PHAX: variants seen among roughly 807,000 people sequenced by gnomAD.
PHAX encodes phosphorylated adaptor for RNA export.
Under a neutral mutation model 41.6 loss-of-function variants are expected in PHAX, and 31 were observed. That is an observed-to-expected ratio of 0.75 (90% CI 0.56 to 1.01). PHAX has a LOEUF of 1.01. Ranked by LOEUF, PHAX falls within the 50% of genes least tolerant of loss-of-function variation. The pLI, the probability that PHAX is intolerant of heterozygous loss-of-function variation, is 0.00. For missense variants in PHAX, 453 were observed against 472.9 expected (o/e 0.96, Z 0.39); for synonymous variants, 175 against 164.9 (o/e 1.06, Z -0.47).
intron 2 of PHAX, among the ~76,000 whole-genome samples, chr5:126,605,590 G>T (rs1406579581): frequency 2.6e-5 from 4 of 151,954 alleles, no homozygotes; most frequent in African/African-American, 4.8e-5. Flanking sequence ...TAGAGATAGG[G>T]TTTCATTATG....
intron 3 of PHAX, among the ~76,000 whole-genome samples, chr5:126,609,899 A>G (rs1185542782): frequency 3.3e-5 from 5 of 151,948 alleles, no homozygotes; most frequent in Admixed American, 2.0e-4. Context: ...CACCACGCCC[A>G]GCTAGTTTTT....
At chr5:126,601,201 C>A (rs1388913707) in intron 1 of PHAX, 143 bp downstream of exon 1, 6 of 608,968 alleles carry the variant, frequency 9.9e-6, no homozygotes, top group Non-Finnish European at 1.7e-5. Context: ...GGTCAGTGGC[C>A]GCAGAAGGGG....
At chr5:126,603,489 T>C in intron 1 of PHAX, 81 bp from the exon 2 acceptor site, 1 of 1,454,822 alleles carries the variant, frequency 6.9e-7, no homozygotes, top group East Asian at 2.3e-5. Flanking sequence ...AATGGCAAAG[T>C]TGAATCTCTA....
chr5:126,602,194 G>T (rs1002173905), intron 1 of PHAX, among the ~76,000 whole-genome samples: 6 of 152,178 alleles, frequency 3.9e-5, no homozygotes, highest in Non-Finnish European at 8.8e-5. Flanking sequence ...TGATCCACCC[G>T]CCTCGGCCTC....
rs1751888120 is a variant in PHAX at position 126,600,993 on chromosome 5, G to C, written c.31G>C (p.Gly11Arg). The part of the protein sequence containing the change: MALEVGDMED[G>R]QLSDSDSDMT... ...GTTGGAGGTCGGCGATATGGAAGAT[G>C]GGCAGCTTTCCGACTCGGATTCCGA... Residue 11 changes from glycine to arginine, a missense_variant, in exon 1 of 5, where the codon GGG becomes CGG. Coordinates refer to ENST00000297540, the MANE Select transcript of PHAX (RefSeq NM_032177.4). The C allele has an allele frequency of 2.5e-6, 4 of 1,604,418 alleles. No homozygotes were observed. The highest frequency in any genetic ancestry group is 1.1e-5 in the South Asian group (1 of 90,688).
chr5:126,609,442 A>G (rs904033997), intron 3 of PHAX, among the ~76,000 whole-genome samples: 6 of 152,038 alleles, frequency 3.9e-5, no homozygotes, highest in African/African-American at 1.4e-4. Flanking sequence ...AGGGGAGCCT[A>G]GGAGCTCAGA....
rs1752253002 is a variant in PHAX, at chr5:126,620,527, C to G, written c.915+3194C>G. Among the ~76,000 whole-genome samples, 4 of 152,102 alleles carry G rather than the reference C, an allele frequency of 2.6e-5. No homozygotes were observed. In the South Asian group the frequency reaches 8.3e-4, roughly 32 times the overall value. Reference sequence around the variant, plus strand: ...ATAATCAAAATTATATGCCTGAGATCACACAGACCACTCTGACTCCAAAAC... The same window carrying G: ...ATAATCAAAATTATATGCCTGAGATGACACAGACCACTCTGACTCCAAAAC... On this transcript the variant is annotated intron_variant, in intron 4 of 4. Transcript: ENST00000297540.
Position 126,608,861 on chromosome 5 carries a change from G to T in PHAX, c.831+377G>T, listed in dbSNP as rs565078628. 9.9e-5 allele frequency among the ~76,000 whole-genome samples: 15 copies of T among 151,194 alleles called. No homozygotes were observed. In the East Asian group the frequency reaches 2.2e-3, roughly 22 times the overall value. On this transcript the variant is annotated intron_variant, in intron 3 of 4. Transcript: ENST00000297540. Reference sequence around the variant, plus strand: ...TGAGGCAGGAGAATCACTTGAACCTGAGAGACCAGAGGTTTCAGTGAGCTG... The same window carrying T: ...TGAGGCAGGAGAATCACTTGAACCTTAGAGACCAGAGGTTTCAGTGAGCTG...
chr5:126,620,873 G>GA (rs1309740901), intron 4 of PHAX, among the ~76,000 whole-genome samples: 2 of 151,932 alleles, frequency 1.3e-5, no homozygotes, highest in African/African-American at 4.8e-5. Flanking sequence ...GAGTAGCTGG[G>GA]ATTACAGGCA....
chr5:126,621,862 A>AT (rs2112838464), intron 4 of PHAX, among the ~76,000 whole-genome samples: 1 of 152,350 alleles, frequency 6.6e-6, no homozygotes, highest in South Asian at 2.1e-4. Context: ...TGTGATAAAG[A>AT]TATTAACAAC....
intron 2 of PHAX, among the ~76,000 whole-genome samples, chr5:126,607,763 T>A (rs145334547): frequency 6.6e-6 from 1 of 152,226 alleles, no homozygotes; most frequent in African/African-American, 2.4e-5. Flanking sequence ...AGGCTACCTA[T>A]GTTTCTAACC....
At chr5:126,613,142 C>A (rs534625067) in intron 3 of PHAX, among the ~76,000 whole-genome samples, 65 of 152,120 alleles carry the variant, frequency 4.3e-4, no homozygotes, top group African/African-American at 1.4e-3. Flanking sequence ...TGAGGTCAGG[C>A]GTTCGAGACC....
intron 2 of PHAX, among the ~76,000 whole-genome samples, chr5:126,605,384 ATGTATTTTTC>A (rs1751973015): frequency 6.6e-6 from 1 of 151,716 alleles, no homozygotes; most frequent in South Asian, 2.1e-4. Flanking sequence ...TACATTCGTA[ATGTATTTTTC>A]TGTTGGTTTT....
At chr5:126,617,216 A>G (rs755176636) in intron 3 of PHAX, 34 bp from the exon 4 acceptor site, 28 of 1,334,666 alleles carry the variant, frequency 2.1e-5, no homozygotes, top group Non-Finnish European at 2.9e-5. Context: ...TGGGAAGAGT[A>G]TATGCAGTTT....
chr5:126,613,026 A>G (rs961788254), intron 3 of PHAX, among the ~76,000 whole-genome samples: 2 of 152,218 alleles, frequency 1.3e-5, no homozygotes, highest in African/African-American at 4.8e-5. Context: ...AAGGGTATGT[A>G]TAATGGATTG....
In PHAX at chr5:126,613,420, A is replaced by G. The variant is rs191975366; in HGVS notation, c.832-3830A>G. The stretch of plus-strand genomic sequence containing the variant: ...GGTTGGAGTTACAAATATATGTGGC[A>G]TATAAAAAAGTAAAAAGATGTCCAG... On this transcript the variant is annotated intron_variant, in intron 3 of 4. Transcript: ENST00000297540. Among the ~76,000 whole-genome samples the G allele has an allele frequency of 3.9e-5, 6 of 152,318 alleles. No individual in the cohort carries two copies. In the East Asian group the frequency reaches 1.2e-3, roughly 29 times the overall value.
At chr5:126,609,526 G>A (rs1282769666) in intron 3 of PHAX, among the ~76,000 whole-genome samples, 1 of 151,902 alleles carries the variant, frequency 6.6e-6, no homozygotes, top group Non-Finnish European at 1.5e-5. Flanking sequence ...ATTGAAATTC[G>A]GCTAAGTTGT....
chr5:126,607,926 C>T (rs1188382384), intron 2 of PHAX, among the ~76,000 whole-genome samples: 2 of 152,196 alleles, frequency 1.3e-5, no homozygotes, highest in South Asian at 2.1e-4. Flanking sequence ...TGTTCTGAGG[C>T]AGGGAGTCTA....
chr5:126,615,914 G>A (rs1561681801), intron 3 of PHAX, among the ~76,000 whole-genome samples: 1 of 151,932 alleles, frequency 6.6e-6, no homozygotes, highest in African/African-American at 2.4e-5. Flanking sequence ...CTGTATGTGT[G>A]TATATATATC....
Sources: gnomAD v4.1 joint callset for allele counts (sites outside exome capture counted in the v4.1 genomes callset) on GRCh38, gnomAD v4.1.1 for gene constraint, MANE v1.5 for transcripts, NCBI Gene and HGNC (gene_info 2026-07-23, HGNC 2026-07-21) for gene names.